TPTE2: variants seen among roughly 807,000 people sequenced by gnomAD.
TPTE2 encodes the protein phosphatidylinositol 3,4,5-trisphosphate 3-phosphatase TPTE2.
A neutral mutation model predicts 78.6 loss-of-function variants in TPTE2; 53 were observed. The observed-to-expected ratio is 0.67, with a 90% CI of 0.54 to 0.85. The LOEUF (loss-of-function observed/expected upper bound fraction) is 0.85, where lower values mean the gene tolerates loss of function less well. TPTE2 is among the 40% of genes least tolerant of loss of function. TPTE2 has a pLI of 0.00. For synonymous variants in TPTE2, 175 were observed against 206.2 expected (o/e 0.85, Z 1.30); for missense variants, 461 against 623.0 (o/e 0.74, Z 2.77).
At chr13:19,470,004 C>A (rs559757368) in intron 6 of TPTE2, among the ~76,000 whole-genome samples, 2 of 152,048 alleles carry the variant, frequency 1.3e-5, no homozygotes, top group African/African-American at 4.8e-5. Flanking sequence ...ATTTGGATTT[C>A]TTTTTTTATT....
intron 13 of TPTE2, among the ~76,000 whole-genome samples, chr13:19,443,946 A>G (rs1877662566): frequency 6.6e-6 from 1 of 152,196 alleles, no homozygotes; most frequent in African/African-American, 2.4e-5. Context: ...TTATTTTCAT[A>G]TGATGTAATC....
chr13:19,506,338 A>AT (rs1469990755), upstream of TPTE2, among the ~76,000 whole-genome samples: 197 of 148,782 alleles, frequency 1.3e-3, no homozygotes, highest in Non-Finnish European at 2.2e-3. Context: ...CGCCCGGCTA[A>AT]TTTTTTTTGT....
rs115639301 is a variant in TPTE2, at chr13:19,428,464, G to A, written c.1303-1947C>T. 6.4e-3 allele frequency among the ~76,000 whole-genome samples: 965 copies of A among 151,828 alleles called. 8 individuals carry two copies. The highest frequency in any genetic ancestry group is 0.023 in the African/African-American group (941 of 41,432). On this transcript the variant is annotated intron_variant, in intron 17 of 19. Transcript: ENST00000400230. ...ACTCCATCTCAGAAAAAAAAGAAAA[G>A]AAAAAGAAAAAACTTGGAAAAACAA...
intron 1 of TPTE2, among the ~76,000 whole-genome samples, chr13:19,522,619 C>CTTTTTTTTTTT (rs57248346): frequency 8.5e-4 from 103 of 121,654 alleles, no homozygotes; most frequent in Non-Finnish European, 1.3e-3. Context: ...CTTTTTTTTT[C>CTTTTTTTTTTT]TTTTTTTTTT....
chr13:19,452,990 A>T (rs12877161), intron 10 of TPTE2, among the ~76,000 whole-genome samples: 20 of 14,526 alleles, frequency 1.4e-3, no homozygotes, highest in Admixed American at 4.8e-3. Context: ...TATTTTATTT[A>T]TTTTATTTTA....
intron 1 of TPTE2, among the ~76,000 whole-genome samples, chr13:19,495,873 G>A (rs1881281857): frequency 6.6e-6 from 1 of 151,960 alleles, no homozygotes; most frequent in Admixed American, 6.6e-5. Context: ...GTTTGTTGCT[G>A]TTGTTTGTTT....
In TPTE2 at chr13:19,432,680, G is replaced by C. The variant is rs1279735082; in HGVS notation, c.1117-102C>G. On this transcript the variant is annotated intron_variant, in intron 15 of 19. Transcript: ENST00000400230. ...GCATAAAGCTTGTTAATGGAGGTAA[G>C]TAATTAAGAAAACATTTACTGGATG... The C allele has an allele frequency of 7.6e-5, 47 of 617,054 alleles. No homozygotes were observed. The East Asian group carries it at 1.5e-3, about 20-fold the overall frequency. 38.2% of individuals were successfully genotyped at this position (617,054 alleles called of 1,614,324 possible).
At chr13:19,427,728 C>T (rs551750794) in intron 17 of TPTE2, among the ~76,000 whole-genome samples, 1 of 152,298 alleles carries the variant, frequency 6.6e-6, no homozygotes, top group African/African-American at 2.4e-5. Flanking sequence ...GATCTTTGAA[C>T]TTGACCAGTG....
chr13:19,437,820 A>G (rs566052020), intron 14 of TPTE2, among the ~76,000 whole-genome samples: 1 of 152,158 alleles, frequency 6.6e-6, no homozygotes, highest in African/African-American at 2.4e-5. Context: ...AAAATTATTT[A>G]TTTTAATTAT....
intron 6 of TPTE2, among the ~76,000 whole-genome samples, chr13:19,470,186 T>G (rs1461349104): frequency 6.6e-6 from 1 of 152,238 alleles, no homozygotes; most frequent in African/African-American, 2.4e-5. Context: ...GTTTTTATTA[T>G]GTTTAGGTGT....
chr13:19,482,993 C>CTGTTAA (rs1880450759), intron 3 of TPTE2, among the ~76,000 whole-genome samples: 1 of 152,202 alleles, frequency 6.6e-6, no homozygotes, highest in African/African-American at 2.4e-5. Flanking sequence ...TTACCCTACA[C>CTGTTAA]TGTAGCCTGT....
At chr13:19,504,911 A>G (rs17090583), upstream of TPTE2, among the ~76,000 whole-genome samples, 3,219 of 152,114 alleles carry the variant, frequency 0.021, 123 homozygotes, top group African/African-American at 0.074. Flanking sequence ...ATATCTGCAC[A>G]TACATTTCTT....
At chr13:19,521,670 G>T (rs1262647899) in intron 1 of TPTE2, among the ~76,000 whole-genome samples, 1 of 151,584 alleles carries the variant, frequency 6.6e-6, no homozygotes, top group Non-Finnish European at 1.5e-5. Context: ...TTTCTTAGTG[G>T]TTGCCCTGGA....
chr13:19,458,530 T>G, intron 10 of TPTE2: 1 of 388,002 alleles, frequency 2.6e-6, no homozygotes, highest in Admixed American at 2.9e-5. Context: ...CTATCAGTGT[T>G]TCCTCTCCCC....
At chr13:19,478,222 C>A (rs1880093485) in intron 4 of TPTE2, among the ~76,000 whole-genome samples, 1 of 152,034 alleles carries the variant, frequency 6.6e-6, no homozygotes, top group Admixed American at 6.5e-5. Flanking sequence ...AGTGAACAGG[C>A]AACCTACAGA....
chr13:19,497,775 C>T (rs1161821760), intron 1 of TPTE2, among the ~76,000 whole-genome samples: 5 of 151,358 alleles, frequency 3.3e-5, no homozygotes, highest in Non-Finnish European at 7.4e-5. Flanking sequence ...AGTTCCTCAC[C>T]AGCAACGGAA....
intron 1 of TPTE2, among the ~76,000 whole-genome samples, chr13:19,520,282 G>A (rs1424710362): frequency 6.6e-6 from 1 of 151,718 alleles, no homozygotes; most frequent in African/African-American, 2.4e-5. Flanking sequence ...AATTATCCTG[G>A]CTAGAATCTC....
chr13:19,462,543 T>C lies in TPTE2; in HGVS notation c.741+1913A>G, dbSNP rs548737879. Among the ~76,000 whole-genome samples, 632 of 151,724 alleles carry C rather than the reference T, an allele frequency of 4.2e-3. 5 individuals carry two copies. The highest frequency in any genetic ancestry group is 0.026 in the South Asian group (125 of 4,790). On this transcript the variant is annotated intron_variant, in intron 10 of 19. Coordinates refer to ENST00000400230, the Ensembl canonical transcript of TPTE2. Reference sequence around the variant, plus strand: ...CTTGCTGTTTTTAACATTTCCTTTTTTTTTTTTTTAATTTTTTTGGATACA... The same window carrying C: ...CTTGCTGTTTTTAACATTTCCTTTTCTTTTTTTTTAATTTTTTTGGATACA...
chr13:19,519,652 C>T (rs920286685), intron 1 of TPTE2, among the ~76,000 whole-genome samples: 1 of 152,144 alleles, frequency 6.6e-6, no homozygotes, highest in Admixed American at 6.5e-5. Context: ...TATCCTTATT[C>T]TAGTACTACA....
Sources: gnomAD v4.1 joint callset for allele counts (sites outside exome capture counted in the v4.1 genomes callset) on GRCh38, gnomAD v4.1.1 for gene constraint, MANE v1.5 for transcripts, NCBI Gene and HGNC (gene_info 2026-07-23, HGNC 2026-07-21) for gene names.